Variants in KCNT2 observed in about 807,000 individuals in gnomAD.
KCNT2 encodes the protein potassium channel subfamily T member 2.
Under a neutral mutation model 153.8 loss-of-function variants are expected in KCNT2, and 67 were observed. The ratio of observed to expected loss-of-function variants is 0.44; its 90% CI spans 0.36 to 0.53. The LOEUF (loss-of-function observed/expected upper bound fraction) is 0.53. KCNT2 is among the 20% of genes least tolerant of loss of function. KCNT2 has a pLI of 0.00. For missense variants in KCNT2, 975 were observed against 1,354.8 expected (o/e 0.72, Z 4.40); for synonymous variants, 500 against 458.8 (o/e 1.09, Z -1.15).
At chr1:196,523,751 T>A (rs1004612432) in intron 1 of KCNT2, among the ~76,000 whole-genome samples, 9 of 152,232 alleles carry the variant, frequency 5.9e-5, no homozygotes, top group African/African-American at 1.9e-4. Context: ...TGACTTAGCC[T>A]GGTAACGTTT....
chr1:196,499,843 T>C (rs1228666220), intron 1 of KCNT2, among the ~76,000 whole-genome samples: 1 of 152,060 alleles, frequency 6.6e-6, no homozygotes, highest in Non-Finnish European at 1.5e-5. Context: ...ATATCAACTT[T>C]ATAGAAAAAG....
rs532250865 is a variant in KCNT2, at chr1:196,348,886, C to CA, written c.1404-6659dup. Among the ~76,000 whole-genome samples the CA allele has an allele frequency of 5.9e-5, 9 of 151,342 alleles. No individual in the cohort carries two copies. The East Asian group carries it at 9.8e-4, about 16-fold the overall frequency. ...ACGAAAAATACAAAACAAAACAAAA[C>CA]AAAAAAAATGCCTGGGCGTGGTGGT... On this transcript the variant is annotated intron_variant, in intron 14 of 27. Transcript: ENST00000294725.
At chr1:196,564,576 A>T (rs1437128863) in intron 1 of KCNT2, among the ~76,000 whole-genome samples, 2 of 151,892 alleles carry the variant, frequency 1.3e-5, no homozygotes, top group Non-Finnish European at 1.5e-5. Context: ...AGTCAAAGGA[A>T]CCACACTATC....
At chr1:196,532,615 A>C (rs1655092302) in intron 1 of KCNT2, among the ~76,000 whole-genome samples, 1 of 151,960 alleles carries the variant, frequency 6.6e-6, no homozygotes, top group Admixed American at 6.6e-5. Flanking sequence ...AAAAGAGAAT[A>C]GAAAAATTGT....
intron 27 of KCNT2, among the ~76,000 whole-genome samples, chr1:196,228,862 T>A (rs1303893468): frequency 6.6e-6 from 1 of 152,122 alleles, no homozygotes; most frequent in African/African-American, 2.4e-5. Context: ...TATGAATCTA[T>A]AAAATCAACA....
chr1:196,553,682 T>C (rs966233586), intron 1 of KCNT2, among the ~76,000 whole-genome samples: 1 of 151,246 alleles, frequency 6.6e-6, no homozygotes, highest in Non-Finnish European at 1.5e-5. Context: ...GGCTGCACAA[T>C]ATGCATTCTT....
At chr1:196,321,700 A>G (rs539553786) in intron 19 of KCNT2, among the ~76,000 whole-genome samples, 2 of 151,950 alleles carry the variant, frequency 1.3e-5, no homozygotes, top group African/African-American at 2.4e-5. Flanking sequence ...GATGAAGGAT[A>G]TCTAAGGTAA....
chr1:196,461,334 A>G (rs1677135990), intron 8 of KCNT2, among the ~76,000 whole-genome samples: 1 of 151,700 alleles, frequency 6.6e-6, no homozygotes, highest in Non-Finnish European at 1.5e-5. Context: ...AATAAGACTG[A>G]GAAGGTGAAT....
chr1:196,589,879 C>A (rs992389181), intron 1 of KCNT2, among the ~76,000 whole-genome samples: 1 of 152,118 alleles, frequency 6.6e-6, no homozygotes, highest in African/African-American at 2.4e-5. Context: ...TACTCCTAAA[C>A]CTTCTAAATG....
chr1:196,383,377 C>A (rs545083012), intron 13 of KCNT2, among the ~76,000 whole-genome samples: 1 of 152,246 alleles, frequency 6.6e-6, no homozygotes, highest in Admixed American at 6.5e-5. Flanking sequence ...GATGTCATGG[C>A]AATGTCAAAT....
intron 13 of KCNT2, among the ~76,000 whole-genome samples, chr1:196,398,261 T>G (rs1671116569): frequency 6.6e-6 from 1 of 151,594 alleles, no homozygotes; most frequent in Admixed American, 6.6e-5. Flanking sequence ...TTGAAATTTG[T>G]GTCTATATTA....
intron 13 of KCNT2, among the ~76,000 whole-genome samples, chr1:196,384,979 T>C (rs1669838562): frequency 6.6e-6 from 1 of 152,026 alleles, no homozygotes; most frequent in Non-Finnish European, 1.5e-5. Flanking sequence ...GATGCTACTA[T>C]CAACTAGATA....
chr1:196,343,450 T>C (rs1054632168), intron 14 of KCNT2, among the ~76,000 whole-genome samples: 1 of 152,128 alleles, frequency 6.6e-6, no homozygotes, highest in Admixed American at 6.6e-5. Flanking sequence ...GATAAATATA[T>C]AAAAATCAAA....
chr1:196,322,047 A>C (rs183269811), intron 19 of KCNT2, among the ~76,000 whole-genome samples: 26 of 152,084 alleles, frequency 1.7e-4, no homozygotes, highest in African/African-American at 6.3e-4. Context: ...AAACATTCCT[A>C]AAACTAGATG....
chr1:196,570,975 C>T (rs571843758), intron 1 of KCNT2, among the ~76,000 whole-genome samples: 2 of 152,098 alleles, frequency 1.3e-5, no homozygotes, highest in Non-Finnish European at 2.9e-5. Flanking sequence ...TCCTGGCCTA[C>T]TCCTACCACA....
rs569216833 is a variant in KCNT2 at position 196,326,706 on chromosome 1, A to C, written c.2276+11T>G. On this transcript the variant is annotated intron_variant, in intron 19 of 27. Coordinates refer to ENST00000294725, the MANE Select transcript of KCNT2 (RefSeq NM_198503.5). ...AGTTTATCTTGTTTGTGTATCTTAA[A>C]ATATACTTACGGGTTATCCAATAGC... 1.4e-5 allele frequency: 21 copies of C among 1,464,672 alleles called. No individual in the cohort carries two copies. The highest frequency in any genetic ancestry group is 8.0e-5 in the Admixed American group (3 of 37,428). 90.7% of individuals were successfully genotyped at this position (1,464,672 alleles called of 1,614,324 possible). A position where few individuals can be genotyped will look rare whatever the true frequency, so the allele number is the denominator to read the frequency against.
chr1:196,305,542 C>T (rs917277625), intron 21 of KCNT2, among the ~76,000 whole-genome samples, 197 bp from the exon 22 acceptor site: 1 of 152,064 alleles, frequency 6.6e-6, no homozygotes, highest in Non-Finnish European at 1.5e-5. Context: ...TTTTAACAGA[C>T]ATTTTAGCAC....
intron 23 of KCNT2, 109 bp from the exon 24 acceptor site, chr1:196,282,465 C>A (rs1446413847): frequency 3.7e-5 from 21 of 563,892 alleles, no homozygotes; most frequent in Non-Finnish European, 3.1e-6. Flanking sequence ...AAGATTATTT[C>A]TCATATCACA....
chr1:196,327,144 T>C (rs1207654586), intron 18 of KCNT2, among the ~76,000 whole-genome samples: 4 of 152,150 alleles, frequency 2.6e-5, no homozygotes, highest in African/African-American at 9.6e-5. Flanking sequence ...GTGTGTGTGC[T>C]TGTTCTATTG....
Sources: allele counts gnomAD v4.1 joint callset (sites outside exome capture counted in the v4.1 genomes callset), GRCh38; gene constraint gnomAD v4.1.1; transcripts MANE v1.5; gene names NCBI Gene and HGNC (gene_info 2026-07-23, HGNC 2026-07-21).